The following SGCD variants were observed in gnomAD, a reference collection of about 807,000 sequenced individuals.
The protein encoded by SGCD is delta-sarcoglycan.
A neutral mutation model predicts 36.6 loss-of-function variants in SGCD; 18 were observed. The observed-to-expected ratio is 0.49, with a 90% CI of 0.34 to 0.73. SGCD has a LOEUF of 0.73. Among genes scored for constraint, SGCD ranks in the 30% least tolerant of loss-of-function variants. SGCD has a pLI of 0.01. For synonymous variants in SGCD, 133 were observed against 130.6 expected (o/e 1.02, Z -0.12); for missense variants, 387 against 346.7 (o/e 1.12, Z -0.92).
At chr5:156,358,831 G>A (rs1171110961) in intron 3 of SGCD, among the ~76,000 whole-genome samples, 1 of 152,126 alleles carries the variant, frequency 6.6e-6, no homozygotes, top group Non-Finnish European at 1.5e-5. Context: ...TAGTAATGTT[G>A]TATATGGATC....
At chr5:156,319,085 A>G (rs1200312664) in intron 3 of SGCD, among the ~76,000 whole-genome samples, 2 of 152,184 alleles carry the variant, frequency 1.3e-5, no homozygotes, top group South Asian at 2.1e-4. Flanking sequence ...TGCATTTTAC[A>G]TGAAATATAT....
intron 3 of SGCD, among the ~76,000 whole-genome samples, chr5:156,474,342 C>G (rs974013921): frequency 4.6e-5 from 7 of 152,230 alleles, no homozygotes; most frequent in African/African-American, 1.7e-4. Context: ...GTGTCAGGAT[C>G]TCACCCAGGC....
At position 156,344,411 on chromosome 5, in the gene SGCD, A is replaced by AT. The variant is rs80276463; in HGVS notation, c.4-69dup. On this transcript the variant is annotated intron_variant, in intron 2 of 8. Coordinates refer to ENST00000337851, the MANE Select transcript of SGCD (RefSeq NM_000337.6). Reference sequence around the variant, plus strand: ...GCCAGCCATATCTCTTCATCAGTTGATTTTTTTTTCCTTTATTTTTTTTCT... The same window carrying AT: ...GCCAGCCATATCTCTTCATCAGTTGATTTTTTTTTTCCTTTATTTTTTTTCT... 0.41 allele frequency: 382,487 copies of AT among 943,584 alleles called. 78,264 individuals carry two copies. Among genetic ancestry groups the AT allele is most frequent in the East Asian group, 0.78 (25,754 of 33,088 alleles). The allele number at this position is 943,584 out of a possible 1,614,324, so 58.5% of individuals were successfully genotyped here. A position where few individuals can be genotyped will look rare whatever the true frequency, so the allele number is the denominator to read the frequency against.
At chr5:156,591,541 T>C (rs1302764760) in intron 5 of SGCD, among the ~76,000 whole-genome samples, 2 of 152,010 alleles carry the variant, frequency 1.3e-5, no homozygotes, top group African/African-American at 4.8e-5. Flanking sequence ...GTTAAGAGAG[T>C]TGGGAAGAGA....
At position 156,759,485 on chromosome 5, in the gene SGCD, T is replaced by G; in HGVS notation, c.*95T>G. On this transcript the variant is annotated 3_prime_UTR_variant, in exon 9 of 9. Transcript: ENST00000337851. ...TATTTTTACTAGAACACAGAAAGCC[T>G]ATCAAAGACCTTGTGTGTATGTGTA... 2.3e-6 allele frequency: 2 copies of G among 851,240 alleles called. No individual in the cohort carries two copies. Among genetic ancestry groups the G allele is most frequent in the Non-Finnish European group, 3.7e-6 (2 of 544,338 alleles). 52.7% of individuals were successfully genotyped at this position (851,240 alleles called of 1,614,324 possible). A position where few individuals can be genotyped will look rare whatever the true frequency, so the allele number is the denominator to read the frequency against.
chr5:156,150,779 T>G (rs1762815110), intron 3 of SGCD, among the ~76,000 whole-genome samples: 1 of 151,656 alleles, frequency 6.6e-6, no homozygotes, highest in South Asian at 2.1e-4. Context: ...ATAATGAACT[T>G]GTTTTGCTTT....
At position 156,763,966 on chromosome 5, in the gene SGCD, T is replaced by A. The variant is rs955201833; in HGVS notation, c.*4576T>A. Reference sequence around the variant, plus strand: ...AGTTTGGACCAAAAAGGTAAATAGATCCATTCCAGCACCTGATACTGATTT... The same window carrying A: ...AGTTTGGACCAAAAAGGTAAATAGAACCATTCCAGCACCTGATACTGATTT... On this transcript the variant is annotated 3_prime_UTR_variant, in exon 9 of 9. Coordinates refer to ENST00000337851, the MANE Select transcript of SGCD (RefSeq NM_000337.6). 1.3e-5 allele frequency: 2 copies of A among 152,192 alleles called. No homozygotes were observed. Among genetic ancestry groups the A allele is most frequent in the Admixed American group, 1.3e-4 (2 of 15,282 alleles). The allele number at this position is 152,192 out of a possible 1,614,324, so 9.4% of individuals were successfully genotyped here.
At chr5:155,836,559 C>T in the SGCD span, among the ~76,000 whole-genome samples, 11 of 144,174 alleles carry the variant, frequency 7.6e-5, no homozygotes, top group South Asian at 2.2e-3. Flanking sequence ...AGTTTGCTGT[C>T]AGGGTTCAGA....
intron 1 of SGCD, among the ~76,000 whole-genome samples, chr5:156,097,080 T>A (rs1761396548): frequency 6.6e-6 from 1 of 152,146 alleles, no homozygotes; most frequent in Non-Finnish European, 1.5e-5. Flanking sequence ...TAAATTGGCT[T>A]TTCCCTGTAT....
chr5:156,752,752 A>C (rs770029725), intron 7 of SGCD, among the ~76,000 whole-genome samples: 1 of 152,206 alleles, frequency 6.6e-6, no homozygotes, highest in Non-Finnish European at 1.5e-5. Flanking sequence ...CTATTCATAA[A>C]ATTTAATAAT....
In SGCD at chr5:156,694,885, A is replaced by G. The variant is rs566458594; in HGVS notation, c.575+47349A>G. ...ATGCTGGTGCTACACCAAAACAACC[A>G]GAATGTGAAATGTGAAATATTTACC... On this transcript the variant is annotated intron_variant, in intron 7 of 8. Transcript: ENST00000337851. Among the ~76,000 whole-genome samples, 7 of 152,310 alleles carry G rather than the reference A, an allele frequency of 4.6e-5. 1 individual carries two copies. The highest frequency in any genetic ancestry group is 1.7e-4 in the African/African-American group (7 of 41,568).
At chr5:155,801,088 G>T in the SGCD span, among the ~76,000 whole-genome samples, 67 of 152,090 alleles carry the variant, frequency 4.4e-4, no homozygotes, top group African/African-American at 1.6e-3. Flanking sequence ...CACCTATGGA[G>T]GAAGATTGGA....
chr5:156,423,360 AAT>A (rs1773491691), intron 3 of SGCD, among the ~76,000 whole-genome samples: 1 of 108,498 alleles, frequency 9.2e-6, no homozygotes, highest in South Asian at 2.6e-4. Flanking sequence ...ATTTTATTAT[AAT>A]ATATTATATT....
chr5:156,748,824 G>A lies in SGCD; in HGVS notation c.576-8757G>A, dbSNP rs1268894494. Among the ~76,000 whole-genome samples the A allele has an allele frequency of 4.6e-5, 7 of 152,122 alleles. No homozygotes were observed. In the South Asian group the frequency reaches 8.3e-4, roughly 18 times the overall value. On this transcript the variant is annotated intron_variant, in intron 7 of 8. Coordinates refer to ENST00000337851, the MANE Select transcript of SGCD (RefSeq NM_000337.6). ...TTTCTTTTTTTTGAGATGGAGTCTC[G>A]CTCTGTTGCCCAGCCTGGAGTGCAG...
chr5:155,834,175 C>T, the SGCD span, among the ~76,000 whole-genome samples: 13,901 of 106,950 alleles, frequency 0.13, 824 homozygotes, highest in South Asian at 0.27. Flanking sequence ...TAGTTGCTTA[C>T]CTATGTGCCC....
intron 4 of SGCD, among the ~76,000 whole-genome samples, chr5:156,530,069 C>A (rs1757822945): frequency 6.6e-6 from 1 of 152,142 alleles, no homozygotes; most frequent in Admixed American, 6.5e-5. Flanking sequence ...AGCAGACTGC[C>A]ATGTTTTCTT....
chr5:155,855,028 C>A, the SGCD span, among the ~76,000 whole-genome samples: 1 of 152,178 alleles, frequency 6.6e-6, no homozygotes, highest in African/African-American at 2.4e-5. Context: ...GCTTTCAACT[C>A]CTGTGGGATT....
intron 3 of SGCD, among the ~76,000 whole-genome samples, chr5:156,158,199 A>G (rs1763009115): frequency 6.6e-6 from 1 of 151,492 alleles, no homozygotes; most frequent in Non-Finnish European, 1.5e-5. Context: ...TTCCACATCT[A>G]TAGGATAAGG....
the SGCD span, among the ~76,000 whole-genome samples, chr5:155,819,691 C>T: frequency 2.6e-5 from 4 of 152,116 alleles, no homozygotes; most frequent in Non-Finnish European, 5.9e-5. Flanking sequence ...ACTGAGCATC[C>T]GTGTGTTTAA....
Sources: gnomAD v4.1 joint callset for allele counts (sites outside exome capture counted in the v4.1 genomes callset) on GRCh38, gnomAD v4.1.1 for gene constraint, MANE v1.5 for transcripts, NCBI Gene and HGNC (gene_info 2026-07-23, HGNC 2026-07-21) for gene names.